MYO9A: variants seen among roughly 807,000 people sequenced by gnomAD.
The protein encoded by MYO9A is unconventional myosin-IXa.
MYO9A carries 103 observed loss-of-function variants against 293.3 expected under a neutral mutation model. That is an observed-to-expected ratio of 0.35 (90% CI 0.30 to 0.41). The LOEUF (loss-of-function observed/expected upper bound fraction) is 0.41, where lower values mean the gene tolerates loss of function less well. MYO9A is among the 10% of genes least tolerant of loss of function. MYO9A has a pLI of 1.00. For synonymous variants in MYO9A, 1,001 were observed against 1,035.7 expected (o/e 0.97, Z 0.64); for missense variants, 2,685 against 3,033.0 (o/e 0.89, Z 2.69).
chr15:71,952,272 G>A (rs2059069482), intron 14 of MYO9A, among the ~76,000 whole-genome samples: 1 of 152,072 alleles, frequency 6.6e-6, no homozygotes, highest in East Asian at 1.9e-4. Flanking sequence ...CAACACTGAT[G>A]GAACCCCAAA....
chr15:71,889,120 CAA>C (rs1288269121), intron 26 of MYO9A, among the ~76,000 whole-genome samples: 1 of 152,058 alleles, frequency 6.6e-6, no homozygotes, highest in Non-Finnish European at 1.5e-5. Context: ...GACTAGAGAC[CAA>C]AAGACAGAGT....
intron 1 of MYO9A, among the ~76,000 whole-genome samples, chr15:72,073,832 C>CACAA (rs778640123): frequency 1.2e-4 from 19 of 152,190 alleles, no homozygotes; most frequent in Non-Finnish European, 2.4e-4. Flanking sequence ...TAAAAGACTC[C>CACAA]ACAAATTTTT....
At chr15:72,072,914 G>A (rs778908108) in intron 1 of MYO9A, among the ~76,000 whole-genome samples, 39 of 152,020 alleles carry the variant, frequency 2.6e-4, no homozygotes, top group Non-Finnish European at 1.8e-4. Context: ...TAAAAAAAAA[G>A]ACACCTTCAC....
At chr15:72,102,796 C>CT (rs200592560) in intron 1 of MYO9A, among the ~76,000 whole-genome samples, 2,029 of 151,928 alleles carry the variant, frequency 0.013, 28 homozygotes, top group African/African-American at 0.023. Context: ...AAAGATGGCC[C>CT]TATAAAGTCC....
intron 18 of MYO9A, among the ~76,000 whole-genome samples, chr15:71,924,668 C>A (rs1442505911): frequency 2.0e-5 from 3 of 151,994 alleles, no homozygotes; most frequent in Non-Finnish European, 4.4e-5. Flanking sequence ...CGCCTGTAAT[C>A]CCAGCACTTT....
At position 71,938,914 on chromosome 15, in the gene MYO9A, T is replaced by C; in HGVS notation, c.2316A>G (p.Lys772=). 1 of 1,610,748 alleles carries C rather than the reference T, an allele frequency of 6.2e-7. No homozygotes were observed. Among genetic ancestry groups the C allele is most frequent in the South Asian group, 1.1e-5 (1 of 90,528 alleles). The change falls in exon 16 of 42, where the codon AAA becomes AAG. Residue 772 remains lysine (K), a synonymous_variant. Coordinates refer to ENST00000356056, the MANE Select transcript of MYO9A (RefSeq NM_006901.4). ...GATCAGAAAGAGGTGTTCTGGGATTTTTCCGGGTTATACCTAGCAAAATTT... is the reference window on the plus strand; with the variant it reads ...GATCAGAAAGAGGTGTTCTGGGATTCTTCCGGGTTATACCTAGCAAAATTT... The part of the protein sequence containing the change: ...CKEEKYSITR[K]NPRTPLSDLQ...
chr15:71,994,724 A>G, intron 9 of MYO9A, 139 bp from the exon 10 acceptor site: 1 of 554,362 alleles, frequency 1.8e-6, no homozygotes, highest in Non-Finnish European at 3.1e-6. Flanking sequence ...TAAAAAATCT[A>G]TAACTAAAGT....
At chr15:72,074,469 T>C (rs2079284646) in intron 1 of MYO9A, among the ~76,000 whole-genome samples, 1 of 152,142 alleles carries the variant, frequency 6.6e-6, no homozygotes, top group Admixed American at 6.5e-5. Context: ...AAAAAGCCCT[T>C]TCTAGGCTAA....
chr15:71,925,963 C>T (rs548140113), intron 18 of MYO9A, among the ~76,000 whole-genome samples: 20 of 152,198 alleles, frequency 1.3e-4, no homozygotes, highest in Middle Eastern at 6.8e-3. Context: ...CTTGTGTCCC[C>T]GTATTGACCT....
intron 31 of MYO9A, 87 bp from the exon 32 acceptor site, chr15:71,875,925 C>T: frequency 1.5e-6 from 1 of 687,866 alleles, no homozygotes; most frequent in Non-Finnish European, 2.1e-6. Context: ...AAGATACTTG[C>T]TCAACAGGTA....
chr15:71,881,004 G>A (rs1456769185), intron 28 of MYO9A, among the ~76,000 whole-genome samples: 1 of 152,058 alleles, frequency 6.6e-6, no homozygotes, highest in African/African-American at 2.4e-5. Flanking sequence ...AACCAGTGGA[G>A]TTTGATAATT....
intron 13 of MYO9A, among the ~76,000 whole-genome samples, chr15:71,967,334 C>T (rs1178272732): frequency 6.6e-6 from 1 of 152,146 alleles, no homozygotes; most frequent in Non-Finnish European, 1.5e-5. Flanking sequence ...CAAAGTCTGA[C>T]ACATGTTCTG....
intron 15 of MYO9A, among the ~76,000 whole-genome samples, chr15:71,950,565 G>C (rs2059026416): frequency 6.6e-6 from 1 of 152,218 alleles, no homozygotes; most frequent in Non-Finnish European, 1.5e-5. Flanking sequence ...ATTCCTCTTA[G>C]AAACAACAGC....
intron 19 of MYO9A, among the ~76,000 whole-genome samples, chr15:71,909,188 C>T (rs1209691680): frequency 6.6e-6 from 1 of 152,164 alleles, no homozygotes; most frequent in Non-Finnish European, 1.5e-5. Flanking sequence ...CAAGTTTTAG[C>T]AATTATGAAT....
chr15:72,091,748 C>CT (rs2079918632), intron 1 of MYO9A, among the ~76,000 whole-genome samples: 1 of 147,958 alleles, frequency 6.8e-6, no homozygotes, highest in African/African-American at 2.5e-5. Flanking sequence ...GAGTTTCACT[C>CT]TCTTGCCCAG....
intron 2 of MYO9A, among the ~76,000 whole-genome samples, chr15:72,037,043 T>A (rs77413022): frequency 3.2e-5 from 3 of 93,670 alleles, no homozygotes; most frequent in South Asian, 3.7e-4. Context: ...CTCATCCTAC[T>A]TTTTTTTTTG....
intron 18 of MYO9A, among the ~76,000 whole-genome samples, chr15:71,925,817 C>T (rs1353273062): frequency 6.6e-6 from 1 of 152,122 alleles, no homozygotes; most frequent in East Asian, 1.9e-4. Flanking sequence ...TATATGCCAC[C>T]ATTACATTAA....
chr15:72,029,736 C>T (rs181326000), intron 3 of MYO9A, among the ~76,000 whole-genome samples: 1 of 152,280 alleles, frequency 6.6e-6, no homozygotes, highest in Admixed American at 6.5e-5. Context: ...TTCTCTTTAT[C>T]CAGACTGTGC....
intron 27 of MYO9A, among the ~76,000 whole-genome samples, chr15:71,886,803 AAT>A (rs1411171512): frequency 6.6e-6 from 1 of 152,050 alleles, no homozygotes; most frequent in African/African-American, 2.4e-5. Context: ...GTGGAAACTA[AAT>A]ATATATAATC....
Sources: allele counts gnomAD v4.1 joint callset (sites outside exome capture counted in the v4.1 genomes callset), GRCh38; gene constraint gnomAD v4.1.1; transcripts MANE v1.5; gene names NCBI Gene and HGNC (gene_info 2026-07-23, HGNC 2026-07-21).